The following ABHD12 variants were observed in gnomAD, a reference collection of about 807,000 sequenced individuals.
ABHD12 encodes the protein abhydrolase domain containing 12, lysophospholipase, also known as lysophosphatidylserine lipase ABHD12.
ABHD12 carries 43 observed loss-of-function variants against 58.3 expected under a neutral mutation model. That is an observed-to-expected ratio of 0.74 (90% CI 0.58 to 0.95). The LOEUF is 0.95. Among genes scored for constraint, ABHD12 ranks in the 40% least tolerant of loss-of-function variants. The pLI is 0.00. For missense variants in ABHD12, 539 were observed against 537.2 expected (o/e 1.00, Z -0.03); for synonymous variants, 219 against 211.2 (o/e 1.04, Z -0.32).
chr20:25,379,705 C>T (rs1370856712), intron 1 of ABHD12, among the ~76,000 whole-genome samples: 1 of 152,146 alleles, frequency 6.6e-6, no homozygotes, highest in Non-Finnish European at 1.5e-5. Flanking sequence ...TTGAAGTTAT[C>T]CTATAGCATA....
chr20:25,321,570 C>G (rs571437884), intron 3 of ABHD12, among the ~76,000 whole-genome samples: 3 of 152,266 alleles, frequency 2.0e-5, no homozygotes, highest in Admixed American at 6.5e-5. Context: ...CAACACACAG[C>G]GTGGCTGTCA....
intron 1 of ABHD12, among the ~76,000 whole-genome samples, chr20:25,355,731 G>C (rs1400602583): frequency 6.6e-6 from 1 of 152,076 alleles, no homozygotes; most frequent in Non-Finnish European, 1.5e-5. Context: ...GGTAATTTTT[G>C]TATTTTTAGT....
chr20:25,344,173 C>T (rs920096298), intron 1 of ABHD12, among the ~76,000 whole-genome samples: 5 of 152,122 alleles, frequency 3.3e-5, no homozygotes, highest in African/African-American at 1.2e-4. Context: ...TGATGAAAAG[C>T]TTGAAGCTTT....
intron 2 of ABHD12, among the ~76,000 whole-genome samples, chr20:25,335,231 G>T (rs972131729): frequency 1.9e-4 from 29 of 152,224 alleles, no homozygotes; most frequent in Non-Finnish European, 1.3e-4. Context: ...GGCCATTGGA[G>T]AAATGCAAAT....
At chr20:25,295,217 AGATGCCGTTCCC>A (rs2088521784), downstream of ABHD12, among the ~76,000 whole-genome samples, 1 of 152,224 alleles carries the variant, frequency 6.6e-6, no homozygotes, top group Admixed American at 6.5e-5. Flanking sequence ...CGGCAAATGG[AGATGCCGTTCCC>A]CAGCAAGTGC....
chr20:25,314,652 T>C (rs1184016499), intron 6 of ABHD12, among the ~76,000 whole-genome samples: 1 of 151,094 alleles, frequency 6.6e-6, no homozygotes, highest in Non-Finnish European at 1.5e-5. Flanking sequence ...GTACTCCAGG[T>C]TGGGTGACAA....
chr20:25,384,841 C>T (rs1205234277), intron 1 of ABHD12, among the ~76,000 whole-genome samples: 2 of 152,212 alleles, frequency 1.3e-5, no homozygotes, highest in Non-Finnish European at 2.9e-5. Flanking sequence ...TGCCAGGCAG[C>T]AACAGGACAG....
At chr20:25,306,798 A>T in intron 10 of ABHD12, 35 bp downstream of exon 10, 1 of 1,486,882 alleles carries the variant, frequency 6.7e-7, no homozygotes, top group East Asian at 2.3e-5. Context: ...AGTTTTTCTA[A>T]ATAGGAAAAT....
chr20:25,302,278 T>C lies in ABHD12; in HGVS notation c.1098A>G (p.Ser366=). 1.2e-6 allele frequency: 2 copies of C among 1,613,868 alleles called. No homozygotes were observed. Among genetic ancestry groups the C allele is most frequent in the Non-Finnish European group, 1.7e-6 (2 of 1,180,004 alleles). The change falls in exon 12 of 13, where the codon TCA becomes TCG. Residue 366 remains serine (S), a synonymous_variant. Transcript: ENST00000339157. ...TGTATTTGTGCCTGTAGCCAAGGTC[T>C]GAATGAAAGGGCACAAACTGAACTT... is the stretch of plus-strand genomic sequence containing the variant. ...DFKVQFVPFH[S]DLGYRHKYIY...
intron 1 of ABHD12, among the ~76,000 whole-genome samples, chr20:25,354,517 A>G (rs1447244839): frequency 1.3e-5 from 2 of 152,234 alleles, no homozygotes; most frequent in Admixed American, 1.3e-4. Flanking sequence ...AAAAGGCTGT[A>G]CATAAGCCAC....
Position 25,383,304 on chromosome 20 carries a change from G to C in ABHD12, c.191+7209C>G, listed in dbSNP as rs147750288. 5.9e-3 allele frequency among the ~76,000 whole-genome samples: 900 copies of C among 152,278 alleles called. 10 individuals carry two copies. Among genetic ancestry groups the C allele is most frequent in the African/African-American group, 0.021 (863 of 41,568 alleles). ...ATAGGTGTGATGACTATGTTCTTTG[G>C]CATTTACGTATGAGGGTGATCTGGC... On this transcript the variant is annotated intron_variant, in intron 1 of 12. Coordinates refer to ENST00000339157, the MANE Select transcript of ABHD12 (RefSeq NM_001042472.3).
downstream of ABHD12, chr20:25,295,775 G>T: frequency 1.5e-6 from 2 of 1,304,116 alleles, no homozygotes. Flanking sequence ...CTTGGCCTGG[G>T]CCAGAGGGGT....
chr20:25,385,695 A>C (rs2090080326), intron 1 of ABHD12, among the ~76,000 whole-genome samples: 1 of 151,954 alleles, frequency 6.6e-6, no homozygotes, highest in African/African-American at 2.4e-5. Flanking sequence ...AAATTTAAAT[A>C]AATAAATAAA....
Position 25,325,638 on chromosome 20 carries a change from A to G in ABHD12, c.317-2208T>C, listed in dbSNP as rs556156246. On this transcript the variant is annotated intron_variant, in intron 2 of 12. Coordinates refer to ENST00000339157, the MANE Select transcript of ABHD12 (RefSeq NM_001042472.3). ...GGGAATGCTGCCAGACAGACAGGCA[A>G]GAAGGGTCCACCTCAGCATCTCAGG... is the stretch of plus-strand genomic sequence containing the variant. Among the ~76,000 whole-genome samples the G allele has an allele frequency of 2.0e-5, 3 of 152,338 alleles. No homozygotes were observed. The East Asian group carries it at 5.8e-4, about 29-fold the overall frequency.
intron 1 of ABHD12, 36 bp downstream of exon 1, chr20:25,390,477 G>GCCCCCCCCCCCCCCCCCCCCCC: frequency 1.0e-5 from 1 of 98,528 alleles, no homozygotes. Flanking sequence ...TGAGGGACCG[G>GCCCCCCCCCCCCCCCCCCCCCC]CCCCCCCCCC....
At chr20:25,310,401 A>G (rs976141571) in intron 6 of ABHD12, 2 of 152,254 alleles carry the variant, frequency 1.3e-5, no homozygotes, top group African/African-American at 4.8e-5. Flanking sequence ...ACAACCTCCC[A>G]AGGGTCCCTC....
Position 25,339,366 on chromosome 20 carries a change from CAATG to C in ABHD12, c.192-19_192-16del, listed in dbSNP as rs770693607. ...CGCCCTTTCGCCTGCAAGAGAAAAG[CAATG>C]AATAGGTCAGAAGGCAGTAGGTGCC... On this transcript the variant is annotated splice_polypyrimidine_tract_variant and intron_variant, in intron 1 of 12. Coordinates refer to ENST00000339157, the MANE Select transcript of ABHD12 (RefSeq NM_001042472.3). The C allele has an allele frequency of 6.2e-7, 1 of 1,613,964 alleles. No homozygotes were observed. Among genetic ancestry groups the C allele is most frequent in the South Asian group, 1.1e-5 (1 of 91,064 alleles).
At chr20:25,325,796 C>T (rs763022816) in intron 2 of ABHD12, among the ~76,000 whole-genome samples, 1 of 152,068 alleles carries the variant, frequency 6.6e-6, no homozygotes, top group Non-Finnish European at 1.5e-5. Context: ...GCCAGCCAGG[C>T]GTGGTGACTC....
At chr20:25,338,650 G>A (rs905526842) in intron 2 of ABHD12, among the ~76,000 whole-genome samples, 1 of 152,090 alleles carries the variant, frequency 6.6e-6, no homozygotes, top group Non-Finnish European at 1.5e-5. Flanking sequence ...ATACCTACAA[G>A]GCCAGCACAA....
Sources: allele counts gnomAD v4.1 joint callset (sites outside exome capture counted in the v4.1 genomes callset), GRCh38; gene constraint gnomAD v4.1.1; transcripts MANE v1.5; gene names NCBI Gene and HGNC (gene_info 2026-07-23, HGNC 2026-07-21).